The following MOB3B variants were observed in gnomAD, a reference collection of about 807,000 sequenced individuals.
MOB3B encodes MOB kinase activator-like 2B.
In MOB3B, 7 loss-of-function variants were observed where a neutral mutation model predicts 18.7. That is an observed-to-expected ratio of 0.37 (90% CI 0.21 to 0.70). The LOEUF (loss-of-function observed/expected upper bound fraction) is 0.70, where lower values mean the gene tolerates loss of function less well. MOB3B is among the 30% of genes least tolerant of loss of function. The pLI is 0.52. For missense variants in MOB3B, 253 were observed against 281.3 expected (o/e 0.90, Z 0.72); for synonymous variants, 111 against 99.9 (o/e 1.11, Z -0.66).
intron 2 of MOB3B, among the ~76,000 whole-genome samples, chr9:27,441,755 C>T (rs754001536): frequency 7.9e-5 from 12 of 152,160 alleles, no homozygotes; most frequent in Non-Finnish European, 8.8e-5. Flanking sequence ...TTGTGAAATT[C>T]GTAATGCAAT....
At chr9:27,522,420 CATATATATA>C (rs1390799096) in intron 1 of MOB3B, among the ~76,000 whole-genome samples, 3,903 of 141,382 alleles carry the variant, frequency 0.028, 93 homozygotes, top group African/African-American at 0.059. Context: ...GACATTTTTT[CATATATATA>C]TATATATATA....
At chr9:27,457,691 G>GC in intron 1 of MOB3B, among the ~76,000 whole-genome samples, 1 of 149,598 alleles carries the variant, frequency 6.7e-6, no homozygotes, top group East Asian at 2.0e-4. Context: ...CGCAAGGTGG[G>GC]TTTTTTTTTT....
chr9:27,490,781 C>A (rs1587253601), intron 1 of MOB3B, among the ~76,000 whole-genome samples: 1 of 152,010 alleles, frequency 6.6e-6, no homozygotes. Context: ...CTTTTAGCAC[C>A]AATAAAATGT....
intron 2 of MOB3B, among the ~76,000 whole-genome samples, chr9:27,430,810 C>T (rs371961329): frequency 3.9e-5 from 6 of 151,900 alleles, no homozygotes; most frequent in African/African-American, 9.7e-5. Flanking sequence ...TGAAAGTAGG[C>T]GCAACAACTC....
intron 2 of MOB3B, among the ~76,000 whole-genome samples, chr9:27,407,006 T>C (rs1821990789): frequency 6.6e-6 from 1 of 152,178 alleles, no homozygotes; most frequent in Non-Finnish European, 1.5e-5. Flanking sequence ...GCCTGGCTAA[T>C]TTTTGTATTA....
intron 2 of MOB3B, among the ~76,000 whole-genome samples, chr9:27,424,823 C>T (rs777464375): frequency 1.3e-5 from 2 of 152,160 alleles, no homozygotes; most frequent in Non-Finnish European, 2.9e-5. Flanking sequence ...TATGTTGGTG[C>T]ATCAGTAGTA....
intron 3 of MOB3B, among the ~76,000 whole-genome samples, chr9:27,346,991 A>G (rs1821038742): frequency 6.6e-6 from 1 of 152,182 alleles, no homozygotes; most frequent in Non-Finnish European, 1.5e-5. Flanking sequence ...GCAAGACTCT[A>G]TCTCAAAATA....
intron 2 of MOB3B, among the ~76,000 whole-genome samples, chr9:27,436,301 C>G (rs1587212250): frequency 6.6e-6 from 1 of 152,344 alleles, no homozygotes; most frequent in East Asian, 1.9e-4. Context: ...TCAACTTATA[C>G]AAAGCACTTT....
intron 1 of MOB3B, among the ~76,000 whole-genome samples, chr9:27,513,932 G>A (rs1215942037): frequency 1.6e-5 from 2 of 125,662 alleles, no homozygotes; most frequent in African/African-American, 5.5e-5. Context: ...TGGATGGTGG[G>A]TGGGTGGATG....
At chr9:27,395,858 C>G (rs1405406291) in intron 2 of MOB3B, among the ~76,000 whole-genome samples, 1 of 152,136 alleles carries the variant, frequency 6.6e-6, no homozygotes, top group Non-Finnish European at 1.5e-5. Flanking sequence ...ATGGAGATAA[C>G]AATAGGACTC....
intron 2 of MOB3B, among the ~76,000 whole-genome samples, chr9:27,440,351 A>C (rs1441002165): frequency 3.3e-5 from 5 of 151,998 alleles, no homozygotes; most frequent in Non-Finnish European, 1.5e-5. Flanking sequence ...AATAATTCTG[A>C]GAACAAATAC....
intron 2 of MOB3B, among the ~76,000 whole-genome samples, chr9:27,403,683 G>A (rs905722625): frequency 2.0e-5 from 3 of 151,996 alleles, no homozygotes; most frequent in African/African-American, 4.8e-5. Context: ...GTTTCACCAT[G>A]CTGGCCAGGC....
At chr9:27,437,829 C>G (rs557493088) in intron 2 of MOB3B, among the ~76,000 whole-genome samples, 1 of 152,270 alleles carries the variant, frequency 6.6e-6, no homozygotes, top group South Asian at 2.1e-4. Flanking sequence ...AAAAAATGTA[C>G]TGATGTGTTT....
chr9:27,343,446 C>T (rs1011475103), intron 3 of MOB3B, among the ~76,000 whole-genome samples: 1 of 143,612 alleles, frequency 7.0e-6, no homozygotes, highest in Non-Finnish European at 1.5e-5. Context: ...ATCCCCCTCT[C>T]CGAGAAACAC....
chr9:27,487,170 C>CTT (rs1294826400), intron 1 of MOB3B, among the ~76,000 whole-genome samples: 2 of 43,106 alleles, frequency 4.6e-5, no homozygotes, highest in Non-Finnish European at 1.1e-4. Flanking sequence ...ATAAATAATT[C>CTT]TTAGCGTTGG....
intron 2 of MOB3B, among the ~76,000 whole-genome samples, chr9:27,450,628 A>G (rs1822769072): frequency 6.6e-6 from 1 of 152,242 alleles, no homozygotes; most frequent in Admixed American, 6.5e-5. Flanking sequence ...CATTCATTGA[A>G]AAGCCTTTAC....
Position 27,370,516 on chromosome 9 carries a change from AAAAAAAG to A in MOB3B, c.419-11287_419-11281del. Among the ~76,000 whole-genome samples the A allele has an allele frequency of 1.3e-5, 2 of 151,402 alleles. 1 individual carries two copies. Among genetic ancestry groups the A allele is most frequent in the African/African-American group, 4.9e-5 (2 of 41,164 alleles). On this transcript the variant is annotated intron_variant, in intron 2 of 3. Transcript: ENST00000262244. The stretch of plus-strand genomic sequence containing the variant: ...AGAGTGAAACTCCATCTCAGAAAAA[AAAAAAAG>A]AAAAAAAGAGGGTCCTTTTTCTTTC...
chr9:27,485,040 C>T (rs554262627), intron 1 of MOB3B, among the ~76,000 whole-genome samples: 139 of 152,218 alleles, frequency 9.1e-4, no homozygotes, highest in African/African-American at 2.2e-3. Flanking sequence ...GATCCAAGTT[C>T]GAGACAAGTG....
intron 1 of MOB3B, among the ~76,000 whole-genome samples, chr9:27,499,468 A>G (rs1819954582): frequency 6.6e-6 from 1 of 152,246 alleles, no homozygotes. Context: ...GAAAGGAAAT[A>G]TGTCAGGTTA....
Sources: allele counts gnomAD v4.1 joint callset (sites outside exome capture counted in the v4.1 genomes callset), GRCh38; gene constraint gnomAD v4.1.1; transcripts MANE v1.5; gene names NCBI Gene and HGNC (gene_info 2026-07-23, HGNC 2026-07-21).